The following APBA2 variants were observed in gnomAD, a reference collection of about 807,000 sequenced individuals.
APBA2 encodes the protein amyloid beta precursor protein binding family A member 2.
Under a neutral mutation model 75.0 loss-of-function variants are expected in APBA2, and 30 were observed. That is an observed-to-expected ratio of 0.40 (90% CI 0.30 to 0.54). The LOEUF is 0.54. APBA2 is among the 20% of genes least tolerant of loss of function. The pLI is 0.49. For synonymous variants in APBA2, 444 were observed against 409.6 expected, an observed-to-expected ratio of 1.08 and a Z score of -1.01; for missense variants, 801 against 1,016.1, an observed-to-expected ratio of 0.79 and a Z score of 2.88.
chr15:29,053,052 T>C (rs1230117550), intron 3 of APBA2, among the ~76,000 whole-genome samples: 1 of 152,168 alleles, frequency 6.6e-6, no homozygotes, highest in Non-Finnish European at 1.5e-5. Context: ...ATTAAGGCCA[T>C]AGCCGTGTGG....
intron 6 of APBA2, among the ~76,000 whole-genome samples, chr15:29,077,891 T>C (rs1373593556): frequency 1.3e-5 from 2 of 152,196 alleles, no homozygotes; most frequent in Admixed American, 1.3e-4. Context: ...TAGAATATAA[T>C]GGATATGGGA....
At chr15:29,079,322 G>GA (rs897929738) in intron 6 of APBA2, among the ~76,000 whole-genome samples, 2 of 152,080 alleles carry the variant, frequency 1.3e-5, no homozygotes, top group African/African-American at 4.8e-5. Context: ...GTGCAGTGTG[G>GA]ACTCCCATCA....
At chr15:29,007,072 A>G (rs2039156136) in intron 3 of APBA2, among the ~76,000 whole-genome samples, 1 of 152,238 alleles carries the variant, frequency 6.6e-6, no homozygotes, top group Admixed American at 6.5e-5. Flanking sequence ...ATACAGACGA[A>G]AGGAATTGAG....
chr15:28,892,327 G>A (rs2032188200), intron 1 of APBA2, among the ~76,000 whole-genome samples: 2 of 152,170 alleles, frequency 1.3e-5, no homozygotes, highest in African/African-American at 2.4e-5. Flanking sequence ...CGCCCACCTC[G>A]GCCTCCCAAG....
chr15:29,110,215 C>T (rs1444576167), intron 13 of APBA2, among the ~76,000 whole-genome samples: 1 of 152,236 alleles, frequency 6.6e-6, no homozygotes, highest in Non-Finnish European at 1.5e-5. Context: ...GTGCCTCCCA[C>T]CCCAGCACTG....
intron 3 of APBA2, among the ~76,000 whole-genome samples, chr15:29,022,777 G>T (rs1393649075): frequency 6.6e-6 from 1 of 152,052 alleles, no homozygotes; most frequent in East Asian, 1.9e-4. Context: ...TTTTGGAATT[G>T]CACTGACTTT....
At chr15:28,935,315 G>A (rs769292290) in intron 2 of APBA2, among the ~76,000 whole-genome samples, 12 of 152,182 alleles carry the variant, frequency 7.9e-5, no homozygotes, top group Non-Finnish European at 1.5e-4. Context: ...GTTTGGAAAC[G>A]TGTCATCTGC....
At chr15:29,075,995 C>A in intron 5 of APBA2, 60 bp from the exon 6 acceptor site, 1 of 1,510,356 alleles carries the variant, frequency 6.6e-7, no homozygotes, top group Non-Finnish European at 9.2e-7. Flanking sequence ...TTAGCCTTCA[C>A]CTTGTGGGCT....
chr15:29,066,284 C>T (rs1420954701), intron 4 of APBA2, among the ~76,000 whole-genome samples: 1 of 152,174 alleles, frequency 6.6e-6, no homozygotes, highest in South Asian at 2.1e-4. Flanking sequence ...CAGGGCTCCT[C>T]TTGCTGCATT....
At chr15:28,943,033 G>T (rs951925958) in intron 2 of APBA2, among the ~76,000 whole-genome samples, 3 of 152,216 alleles carry the variant, frequency 2.0e-5, no homozygotes, top group Non-Finnish European at 4.4e-5. Context: ...ACAGAGCAAA[G>T]CTAATGGAAT....
chr15:28,937,391 G>A (rs1272255498), intron 2 of APBA2, among the ~76,000 whole-genome samples: 2 of 152,178 alleles, frequency 1.3e-5, no homozygotes, highest in Admixed American at 6.5e-5. Flanking sequence ...CAGTTTTGCC[G>A]TGACTGAATT....
intron 2 of APBA2, among the ~76,000 whole-genome samples, chr15:28,952,171 A>T (rs572105904): frequency 1.3e-5 from 2 of 152,224 alleles, no homozygotes; most frequent in Non-Finnish European, 2.9e-5. Flanking sequence ...AGTAGAAAGG[A>T]AAACTTGGAC....
Position 29,108,151 on chromosome 15 carries a change from C to T in APBA2, c.1918-119C>T. The T allele has an allele frequency of 3.5e-6, 5 of 1,446,282 alleles. No homozygotes were observed. The South Asian group carries it at 4.6e-5, about 13-fold the overall frequency. 89.6% of individuals were successfully genotyped at this position (1,446,282 alleles called of 1,614,324 possible). On this transcript the variant is annotated intron_variant, in intron 12 of 14. Coordinates refer to ENST00000683413, the MANE Select transcript of APBA2 (RefSeq NM_001353788.2). ...ACCGAGGCTGAGAGGGGACTGCCTG[C>T]CTCTCCCATTGTGTGTTCTCACTGC...
At chr15:28,893,004 A>G (rs1366075166) in intron 1 of APBA2, among the ~76,000 whole-genome samples, 1 of 152,204 alleles carries the variant, frequency 6.6e-6, no homozygotes, top group Non-Finnish European at 1.5e-5. Flanking sequence ...TTTTGCTGTA[A>G]TAAGTGAGCC....
At chr15:28,915,104 CACCT>C (rs2033611740) in intron 1 of APBA2, among the ~76,000 whole-genome samples, 8 of 86,784 alleles carry the variant, frequency 9.2e-5, no homozygotes, top group Non-Finnish European at 1.2e-4. Flanking sequence ...ATACCATACC[CACCT>C]CACACACACC....
rs57525831 is a variant in APBA2, at chr15:29,020,282, G to GT, written c.-41+24488dup. 5.5e-3 allele frequency among the ~76,000 whole-genome samples: 768 copies of GT among 140,370 alleles called. 8 individuals are homozygous for GT. Among genetic ancestry groups the GT allele is most frequent in the Admixed American group, 0.019 (264 of 14,226 alleles). The allele number at this position is 140,370 out of a possible 152,430, so 92.1% of individuals were successfully genotyped here. A position where few individuals can be genotyped will look rare whatever the true frequency, so the allele number is the denominator to read the frequency against. ...CAGTCTGTTGTCTTCTGTTTTAGGT[G>GT]TTTTTTTTTTTTCTCATCCAGGTTT... On this transcript the variant is annotated intron_variant, in intron 3 of 14. Coordinates refer to ENST00000683413, the MANE Select transcript of APBA2 (RefSeq NM_001353788.2).
intron 3 of APBA2, among the ~76,000 whole-genome samples, chr15:29,026,628 AAC>A (rs2040233817): frequency 6.6e-6 from 1 of 152,142 alleles, no homozygotes; most frequent in Admixed American, 6.5e-5. Context: ...GTATCGTTAG[AAC>A]AGGCCGGGCA....
chr15:28,916,480 T>C (rs1341678570), intron 1 of APBA2, among the ~76,000 whole-genome samples: 7 of 152,170 alleles, frequency 4.6e-5, no homozygotes, highest in African/African-American at 1.7e-4. Context: ...TAAAGTAAAA[T>C]GTCCAGGCCC....
Position 28,918,715 on chromosome 15 carries a change from G to C in APBA2, c.-204-2925G>C, listed in dbSNP as rs1421699760. Among the ~76,000 whole-genome samples the C allele has an allele frequency of 1.3e-5, 2 of 152,158 alleles. No individual in the cohort carries two copies. Among genetic ancestry groups the C allele is most frequent in the African/African-American group, 4.8e-5 (2 of 41,448 alleles). On this transcript the variant is annotated intron_variant, in intron 1 of 14. Transcript: ENST00000683413. The surrounding 1 kb of genome is among the most constrained non-coding windows in gnomAD (Gnocchi z 4.2). ...GCTGCAGAGGCTACTGCTGGGCCTG[G>C]TGTCGCCATGGCAGCTGGAGAGCGG... is the stretch of plus-strand genomic sequence containing the variant.
Sources: allele counts gnomAD v4.1 joint callset (sites outside exome capture counted in the v4.1 genomes callset), GRCh38; gene constraint gnomAD v4.1.1; non-coding constraint Gnocchi (gnomAD v3.1); transcripts MANE v1.5; gene names NCBI Gene and HGNC (gene_info 2026-07-23, HGNC 2026-07-21).